CMSS1: variants seen among roughly 807,000 people sequenced by gnomAD.
CMSS1 encodes the protein cms1 ribosomal small subunit homolog.
A neutral mutation model predicts 43.5 loss-of-function variants in CMSS1; 33 were observed. That is an observed-to-expected ratio of 0.76 (90% CI 0.57 to 1.01). The LOEUF is 1.01. Ranked by LOEUF, CMSS1 falls within the 50% of genes least tolerant of loss-of-function variation. CMSS1 has a pLI of 0.00. For synonymous variants in CMSS1, 115 were observed against 117.2 expected (o/e 0.98, Z 0.12); for missense variants, 313 against 326.4 (o/e 0.96, Z 0.32).
chr3:99,961,946 C>G (rs1708504949), intron 1 of CMSS1, among the ~76,000 whole-genome samples: 1 of 152,208 alleles, frequency 6.6e-6, no homozygotes, highest in Non-Finnish European at 1.5e-5. Flanking sequence ...CCTTCAGGAA[C>G]TTCTGATCTA....
intron 1 of CMSS1, among the ~76,000 whole-genome samples, chr3:100,073,208 TATAA>T (rs1249826790): frequency 1.3e-5 from 2 of 152,212 alleles, no homozygotes; most frequent in African/African-American, 4.8e-5. Context: ...CACCTGTTTT[TATAA>T]ATAAAGTTTT....
intron 1 of CMSS1, among the ~76,000 whole-genome samples, chr3:99,899,038 G>A (rs78018229): frequency 6.6e-6 from 1 of 152,210 alleles, no homozygotes; most frequent in East Asian, 1.9e-4. Flanking sequence ...AAAAAAAAAT[G>A]TGGTTATTCC....
intron 1 of CMSS1, among the ~76,000 whole-genome samples, chr3:99,911,498 A>G (rs1478107566): frequency 6.6e-6 from 1 of 152,004 alleles, no homozygotes. Context: ...TGGTCTCAGG[A>G]TAAAGGGGAA....
intron 1 of CMSS1, among the ~76,000 whole-genome samples, chr3:100,131,553 C>T (rs2066708374): frequency 1.3e-5 from 2 of 152,180 alleles, no homozygotes; most frequent in Non-Finnish European, 2.9e-5. Context: ...AGCCTGAGCT[C>T]CCTCCCTACA....
intron 1 of CMSS1, among the ~76,000 whole-genome samples, chr3:99,966,764 T>C (rs1708665963): frequency 1.3e-5 from 2 of 152,220 alleles, no homozygotes; most frequent in African/African-American, 4.8e-5. Context: ...GCAGGATCTC[T>C]GTAAAGTTAT....
At chr3:99,987,207 G>A (rs922990157) in intron 1 of CMSS1, among the ~76,000 whole-genome samples, 1 of 147,552 alleles carries the variant, frequency 6.8e-6, no homozygotes, top group African/African-American at 2.5e-5. Flanking sequence ...CCAGCCTGGG[G>A]GACAGAGTAA....
chr3:100,092,070 A>G (rs1435164842), intron 1 of CMSS1, among the ~76,000 whole-genome samples: 2 of 152,356 alleles, frequency 1.3e-5, no homozygotes, highest in African/African-American at 4.8e-5. Context: ...TCATAGGGCT[A>G]TTATGAGCAG....
intron 6 of CMSS1, among the ~76,000 whole-genome samples, chr3:100,169,368 G>A (rs2067090942): frequency 6.6e-6 from 1 of 152,208 alleles, no homozygotes; most frequent in Non-Finnish European, 1.5e-5. Context: ...GGATTTGCTA[G>A]GACCAGCTCT....
chr3:100,037,523 A>G (rs566851971), intron 1 of CMSS1, among the ~76,000 whole-genome samples: 48 of 152,290 alleles, frequency 3.2e-4, no homozygotes, highest in African/African-American at 1.2e-3. Flanking sequence ...AAATCTGAAA[A>G]TCATACCCTA....
chr3:99,924,508 G>T (rs950008454), intron 1 of CMSS1: 49 of 1,220,086 alleles, frequency 4.0e-5, no homozygotes, highest in Non-Finnish European at 5.4e-5. Context: ...TCGGCAGTGG[G>T]TTTTTTTGGT....
intron 1 of CMSS1, 82 bp downstream of exon 1, chr3:99,818,125 C>T (rs1942359379): frequency 1.4e-6 from 2 of 1,388,344 alleles, no homozygotes; most frequent in Admixed American, 1.8e-5. Context: ...TTCTGGCGAT[C>T]GCGGTGTTTG....
intron 1 of CMSS1, among the ~76,000 whole-genome samples, chr3:99,975,995 C>T (rs1708958737): frequency 1.3e-5 from 2 of 152,190 alleles, no homozygotes; most frequent in South Asian, 2.1e-4. Flanking sequence ...AGCGATTCTC[C>T]TGCCTCAGCC....
chr3:100,117,878 T>TATATACACATATATATATATATATATAC (rs1357671856), intron 1 of CMSS1, among the ~76,000 whole-genome samples: 6 of 129,084 alleles, frequency 4.6e-5, no homozygotes, highest in Non-Finnish European at 6.3e-5. Flanking sequence ...TATATATATA[T>TATATACACATATATATATATATATATAC]ACACATACAA....
At chr3:99,914,780 G>A (rs55881709) in intron 1 of CMSS1, among the ~76,000 whole-genome samples, 7,096 of 152,274 alleles carry the variant, frequency 0.047, 254 homozygotes, top group South Asian at 0.076. Context: ...TCAGGATAGA[G>A]TTCTTTATAC....
At chr3:100,118,309 C>T (rs533884730) in intron 1 of CMSS1, among the ~76,000 whole-genome samples, 119 of 151,650 alleles carry the variant, frequency 7.8e-4, no homozygotes, top group Non-Finnish European at 1.4e-3. Flanking sequence ...ATAACATACA[C>T]GGCTTATATT....
intron 1 of CMSS1, among the ~76,000 whole-genome samples, chr3:99,862,641 A>G (rs1944319305): frequency 6.6e-6 from 1 of 152,234 alleles, no homozygotes; most frequent in South Asian, 2.1e-4. Context: ...GTCTCCAGAC[A>G]ACTACTGAAT....
intron 1 of CMSS1, among the ~76,000 whole-genome samples, chr3:99,983,892 G>T (rs1437169182): frequency 6.6e-6 from 1 of 152,082 alleles, no homozygotes; most frequent in Non-Finnish European, 1.5e-5. Flanking sequence ...TAACAGCACA[G>T]ATTTGGTCAC....
chr3:99,839,061 T>C (rs1406574319), intron 1 of CMSS1, among the ~76,000 whole-genome samples: 1 of 152,126 alleles, frequency 6.6e-6, no homozygotes, highest in East Asian at 1.9e-4. Context: ...CTTTACCTTG[T>C]GGGCACCTCT....
intron 1 of CMSS1, among the ~76,000 whole-genome samples, chr3:100,003,296 A>G (rs1202772925): frequency 2.6e-5 from 4 of 152,188 alleles, no homozygotes; most frequent in African/African-American, 9.7e-5. Context: ...AACCAGCTTG[A>G]TTTCTGTCTC....
Sources: gnomAD v4.1 joint callset for allele counts (sites outside exome capture counted in the v4.1 genomes callset) on GRCh38, gnomAD v4.1.1 for gene constraint, MANE v1.5 for transcripts, NCBI Gene and HGNC (gene_info 2026-07-23, HGNC 2026-07-21) for gene names.